The following SLC38A11 variants were observed in gnomAD, a reference collection of about 807,000 sequenced individuals.
SLC38A11 encodes the protein solute carrier family 38 member 11.
Under a neutral mutation model 49.4 loss-of-function variants are expected in SLC38A11, and 51 were observed. The observed-to-expected ratio is 1.03, with a 90% CI of 0.83 to 1.30. The LOEUF (loss-of-function observed/expected upper bound fraction) is 1.30. Ranked by LOEUF, SLC38A11 falls within the 50% of genes most tolerant of loss-of-function variation. The probability of loss-of-function intolerance (pLI) is 0.00; values close to 1 mark genes in which losing one functional copy is unlikely to be tolerated. For missense variants in SLC38A11, 574 were observed against 556.2 expected, an observed-to-expected ratio of 1.03 and a Z score of -0.32; for synonymous variants, 203 against 192.9, an observed-to-expected ratio of 1.05 and a Z score of -0.43.
At chr2:164,943,696 G>A (rs1687929486) in intron 5 of SLC38A11, among the ~76,000 whole-genome samples, 1 of 152,054 alleles carries the variant, frequency 6.6e-6, no homozygotes. Flanking sequence ...CTCTCTATGT[G>A]GCTCACACTC....
At chr2:164,937,706 C>T (rs951839873) in intron 6 of SLC38A11, 4 of 237,538 alleles carry the variant, frequency 1.7e-5, no homozygotes, top group African/African-American at 9.1e-5. Flanking sequence ...TTTAGTGGCT[C>T]CTGCATGGAA....
Position 164,908,651 on chromosome 2 carries a change from G to C in SLC38A11, c.1084C>G (p.Leu362Val). Residue 362 changes from leucine to valine, a missense_variant, in exon 11 of 12, where the codon CTA (leucine) becomes GTA (valine). Leu to Val is a conservative substitution (Grantham distance 32). Transcript: ENST00000685975. The stretch of plus-strand genomic sequence containing the variant: ...TTGCACGTACTCACATTGAGTTCTA[G>C]AACTATCCCGAGGCAATCAATCAGC... The part of the protein sequence containing the change: ...SLLIDCLGIV[L>V]ELNGVLCATP... The C allele has an allele frequency of 3.8e-6, 6 of 1,595,684 alleles. No individual in the cohort carries two copies. Among genetic ancestry groups the C allele is most frequent in the Non-Finnish European group, 5.1e-6 (6 of 1,169,848 alleles).
intron 9 of SLC38A11, among the ~76,000 whole-genome samples, chr2:164,914,871 C>A (rs889271846): frequency 4.0e-5 from 6 of 151,878 alleles, no homozygotes; most frequent in Non-Finnish European, 8.8e-5. Flanking sequence ...AGCCAAAAAT[C>A]ATGTGCTAGG....
intron 11 of SLC38A11, among the ~76,000 whole-genome samples, chr2:164,899,588 A>G (rs1001457346): frequency 6.6e-6 from 1 of 152,130 alleles, no homozygotes; most frequent in Admixed American, 6.6e-5. Flanking sequence ...TTAGATTTTA[A>G]TTATAGTATA....
intron 7 of SLC38A11, among the ~76,000 whole-genome samples, chr2:164,925,805 A>G (rs977764247): frequency 3.3e-5 from 5 of 152,276 alleles, no homozygotes; most frequent in Non-Finnish European, 7.4e-5. Context: ...ATTGGTCTTA[A>G]TAGCCCCAGT....
Position 164,908,750 on chromosome 2 carries a change from C to T in SLC38A11, c.985G>A (p.Gly329Ser). ...TGGAAAACCGATGAAAGATTCCCAC[C>T]AAAAAACACATTGGCAATTACCTGC... is the stretch of plus-strand genomic sequence containing the variant. Reference protein sequence around the residue: ...TREVIANVFFGGNLSSVFHIV... With the variant: ...TREVIANVFFSGNLSSVFHIV... The change falls in exon 11 of 12, where the codon GGT becomes AGT. Residue 329 changes from glycine to serine, a missense_variant. Coordinates refer to ENST00000685975, the MANE Select transcript of SLC38A11 (RefSeq NM_001351537.2). 1 of 1,608,920 alleles carries T rather than the reference C, an allele frequency of 6.2e-7. No individual in the cohort carries two copies. The highest frequency in any genetic ancestry group is 8.5e-7 in the Non-Finnish European group (1 of 1,177,438).
rs1463432001 is a variant in SLC38A11, at chr2:164,915,934, A to T, written c.657T>A (p.Asn219Lys). The change falls in exon 8 of 12, where the codon AAT becomes AAA. Residue 219 changes from asparagine to lysine, a missense_variant. Asn to Lys is a moderately conservative substitution (Grantham distance 94). Transcript: ENST00000685975. Reference sequence around the variant, plus strand: ...ACATAACCCCGACCGCTTGAATGGCATTGGGCTTTGCAAATACCCAAGCGT... The same window carrying T: ...ACATAACCCCGACCGCTTGAATGGCTTTGGGCTTTGCAAATACCCAAGCGT... Reference protein sequence around the residue: ...TEDAWVFAKPNAIQAVGVMSF... With the variant: ...TEDAWVFAKPKAIQAVGVMSF... The T allele has an allele frequency of 1.2e-6, 2 of 1,603,542 alleles. No individual in the cohort carries two copies. The highest frequency in any genetic ancestry group is 1.3e-5 in the African/African-American group (1 of 74,964).
intron 7 of SLC38A11, among the ~76,000 whole-genome samples, chr2:164,919,429 T>C (rs1305991734): frequency 6.6e-6 from 1 of 151,998 alleles, no homozygotes; most frequent in African/African-American, 2.4e-5. Flanking sequence ...AGATAAACAA[T>C]AAAATCAATG....
chr2:164,925,682 C>T (rs1327135638), intron 7 of SLC38A11, among the ~76,000 whole-genome samples: 1 of 152,140 alleles, frequency 6.6e-6, no homozygotes, highest in Non-Finnish European at 1.5e-5. Context: ...GTCTCCCTAG[C>T]AGCGTATTCA....
intron 11 of SLC38A11, among the ~76,000 whole-genome samples, chr2:164,905,765 T>C (rs1326039970): frequency 1.3e-5 from 2 of 152,220 alleles, no homozygotes; most frequent in Non-Finnish European, 1.5e-5. Context: ...TTAATGTATG[T>C]CTATATAATC....
At chr2:164,918,702 T>C (rs758226262) in intron 7 of SLC38A11, among the ~76,000 whole-genome samples, 1 of 152,198 alleles carries the variant, frequency 6.6e-6, no homozygotes, top group Non-Finnish European at 1.5e-5. Flanking sequence ...TAATTACACA[T>C]ATGGAAAATT....
At chr2:164,929,261 C>T (rs1573954081) in intron 7 of SLC38A11, among the ~76,000 whole-genome samples, 1 of 152,148 alleles carries the variant, frequency 6.6e-6, no homozygotes, top group Non-Finnish European at 1.5e-5. Flanking sequence ...GCAATGGCTA[C>T]TCCGCCTTCT....
chr2:164,950,959 T>G (rs540500172), intron 3 of SLC38A11, among the ~76,000 whole-genome samples: 15 of 152,164 alleles, frequency 9.9e-5, no homozygotes, highest in Admixed American at 2.6e-4. Flanking sequence ...TTCACTTTTA[T>G]GTGGTCATCC....
At chr2:164,938,451 C>A (rs1687525303) in intron 6 of SLC38A11, among the ~76,000 whole-genome samples, 1 of 152,134 alleles carries the variant, frequency 6.6e-6, no homozygotes, top group Non-Finnish European at 1.5e-5. Flanking sequence ...AATAATATGA[C>A]AGAATGTTAA....
intron 11 of SLC38A11, among the ~76,000 whole-genome samples, chr2:164,906,857 GC>G (rs1441192764): frequency 2.6e-5 from 4 of 152,122 alleles, no homozygotes; most frequent in Non-Finnish European, 4.4e-5. Context: ...ATTCCCTCCT[GC>G]CTTTGTATGG....
chr2:164,928,624 T>A (rs1475098166), intron 7 of SLC38A11, among the ~76,000 whole-genome samples: 2 of 152,138 alleles, frequency 1.3e-5, no homozygotes, highest in Non-Finnish European at 2.9e-5. Context: ...TAAAGATAAT[T>A]TAACAAATAC....
intron 3 of SLC38A11, among the ~76,000 whole-genome samples, chr2:164,946,723 C>T (rs938632371): frequency 3.9e-5 from 6 of 152,128 alleles, no homozygotes; most frequent in Non-Finnish European, 8.8e-5. Flanking sequence ...ATTTGGTACA[C>T]AGCTACACAC....
intron 10 of SLC38A11, among the ~76,000 whole-genome samples, chr2:164,909,711 G>A (rs913546069): frequency 1.3e-5 from 2 of 151,908 alleles, no homozygotes; most frequent in Admixed American, 1.3e-4. Flanking sequence ...GGAGGATAAA[G>A]AGAAGATAGT....
intron 7 of SLC38A11, 152 bp downstream of exon 7, chr2:164,937,198 G>T: frequency 5.2e-6 from 3 of 574,628 alleles, no homozygotes; most frequent in Non-Finnish European, 9.2e-6. Flanking sequence ...CATGTTTACT[G>T]ACCTGTAATT....
Sources: allele counts gnomAD v4.1 joint callset (sites outside exome capture counted in the v4.1 genomes callset), GRCh38; gene constraint gnomAD v4.1.1; transcripts MANE v1.5; gene names NCBI Gene and HGNC (gene_info 2026-07-23, HGNC 2026-07-21).